Variants in OSBPL2 observed in about 807,000 individuals in gnomAD.
OSBPL2 encodes the protein oxysterol binding protein like 2.
Under a neutral mutation model 58.4 loss-of-function variants are expected in OSBPL2, and 18 were observed. That is an observed-to-expected ratio of 0.31 (90% confidence interval 0.21 to 0.46). The LOEUF is 0.46. Ranked by LOEUF, OSBPL2 falls within the 20% of genes least tolerant of loss-of-function variation. OSBPL2 has a pLI of 1.00. For missense variants in OSBPL2, 461 were observed against 616.5 expected, an observed-to-expected ratio of 0.75 and a Z score of 2.67; for synonymous variants, 221 against 234.1, an observed-to-expected ratio of 0.94 and a Z score of 0.51.
At chr20:62,267,100 C>T (rs528129893) in intron 4 of OSBPL2, among the ~76,000 whole-genome samples, 1 of 152,332 alleles carries the variant, frequency 6.6e-6, no homozygotes, top group East Asian at 1.9e-4. Context: ...AAAGAATTAG[C>T]CGGGCATGGT....
At chr20:62,239,843 A>G (rs149963708) in intron 1 of OSBPL2, among the ~76,000 whole-genome samples, 9 of 152,040 alleles carry the variant, frequency 5.9e-5, no homozygotes, top group Non-Finnish European at 8.8e-5. Context: ...AGAGAAGCAA[A>G]CGAGATCATT....
intron 1 of OSBPL2, among the ~76,000 whole-genome samples, chr20:62,253,452 T>C (rs1980705029): frequency 6.6e-6 from 1 of 152,232 alleles, no homozygotes; most frequent in South Asian, 2.1e-4. Context: ...GATTGTCTCC[T>C]CTTTCTTGTG....
chr20:62,245,708 C>T (rs1356252293), intron 1 of OSBPL2, among the ~76,000 whole-genome samples: 3 of 152,218 alleles, frequency 2.0e-5, no homozygotes, highest in African/African-American at 4.8e-5. Context: ...AAGGCCTGAG[C>T]GGCCAGTCGT....
chr20:62,288,573 G>A lies in OSBPL2; in HGVS notation c.1126-634G>A, dbSNP rs992341950. ...GGTGCAGAGGCCGGAGGCTGTGGGTGCAGAGGCTGGGAGGCTGTGGGTGCA... is the reference window on the plus strand; with the variant it reads ...GGTGCAGAGGCCGGAGGCTGTGGGTACAGAGGCTGGGAGGCTGTGGGTGCA... On this transcript the variant is annotated intron_variant, in intron 11 of 13. Coordinates refer to ENST00000313733, the MANE Select transcript of OSBPL2 (RefSeq NM_144498.4). This position sits in a 1 kb window ranked among gnomAD's most constrained non-coding sequence, Gnocchi z 4.8. Among the ~76,000 whole-genome samples the A allele has an allele frequency of 2.0e-5, 3 of 151,330 alleles. No homozygotes were observed. The highest frequency in any genetic ancestry group is 2.0e-4 in the East Asian group (1 of 5,124).
chr20:62,245,070 G>C (rs540216800), intron 1 of OSBPL2, among the ~76,000 whole-genome samples: 8 of 152,204 alleles, frequency 5.3e-5, no homozygotes, highest in African/African-American at 1.9e-4. Context: ...GTCCACGCTG[G>C]TGTCTTAGGA....
chr20:62,265,007 G>A (rs1203980268), intron 4 of OSBPL2, among the ~76,000 whole-genome samples: 1 of 152,214 alleles, frequency 6.6e-6, no homozygotes, highest in Non-Finnish European at 1.5e-5. Context: ...TAGTGGGACT[G>A]TTAACCTGAT....
At chr20:62,281,362 A>G in intron 8 of OSBPL2, 197 bp downstream of exon 8, 1 of 564,702 alleles carries the variant, frequency 1.8e-6, no homozygotes, top group Non-Finnish European at 3.2e-6. Flanking sequence ...CTCGTTCAAG[A>G]CCTCGTTTTT....
At position 62,295,269 on chromosome 20, in the gene OSBPL2, AT is replaced by A. The variant is rs1215260737; in HGVS notation, c.*1383del. 1.3e-5 allele frequency: 2 copies of A among 151,528 alleles called. No individual in the cohort carries two copies. Among genetic ancestry groups the A allele is most frequent in the Non-Finnish European group, 3.0e-5 (2 of 67,680 alleles). The allele number at this position is 151,528 out of a possible 1,614,324, so 9.4% of individuals were successfully genotyped here. A position where few individuals can be genotyped will look rare whatever the true frequency, so the allele number is the denominator to read the frequency against. ...GCCTGGCCGTGACTGATTTTTTTTC[AT>A]GTAGAATTGTCAACACGAGAGATCA... On this transcript the variant is annotated 3_prime_UTR_variant, in exon 14 of 14. Transcript: ENST00000313733. The surrounding 1 kb of genome is among the most constrained non-coding windows in gnomAD (Gnocchi z 4.8).
intron 6 of OSBPL2, among the ~76,000 whole-genome samples, chr20:62,275,539 CT>C (rs1197555679): frequency 2.0e-5 from 3 of 152,158 alleles, no homozygotes; most frequent in African/African-American, 7.2e-5. Context: ...CCTCGACCTC[CT>C]GGGCTCAAGT....
chr20:62,263,908 T>A (rs1202805038), intron 4 of OSBPL2, among the ~76,000 whole-genome samples: 2 of 151,714 alleles, frequency 1.3e-5, no homozygotes, highest in East Asian at 1.9e-4. Context: ...TACTAAAAAT[T>A]CCAAAAATTA....
At chr20:62,260,239 C>A in intron 3 of OSBPL2, 114 bp downstream of exon 3, 2 of 977,934 alleles carry the variant, frequency 2.0e-6, no homozygotes, top group Non-Finnish European at 1.5e-6. Flanking sequence ...ACCCCCACAG[C>A]TGTCTGGCCT....
intron 6 of OSBPL2, chr20:62,278,786 G>GTGTT (rs1237744760): frequency 4.5e-6 from 1 of 221,512 alleles, no homozygotes; most frequent in Non-Finnish European, 8.8e-6. Context: ...GTTTGTGTGT[G>GTGTT]TGTTGCCAAC....
At chr20:62,253,029 G>A (rs1168590935) in intron 1 of OSBPL2, among the ~76,000 whole-genome samples, 1 of 152,270 alleles carries the variant, frequency 6.6e-6, no homozygotes, top group African/African-American at 2.4e-5. Flanking sequence ...AGTAGATAAA[G>A]CTAGAAACTG....
intron 2 of OSBPL2, among the ~76,000 whole-genome samples, chr20:62,256,759 A>G (rs1435715085): frequency 2.6e-5 from 4 of 152,242 alleles, no homozygotes; most frequent in Non-Finnish European, 5.9e-5. Flanking sequence ...ACCGTGTTGC[A>G]GGGCTCATGG....
intron 3 of OSBPL2, 77 bp downstream of exon 3, chr20:62,260,202 C>G: frequency 2.1e-6 from 3 of 1,406,388 alleles, no homozygotes; most frequent in South Asian, 1.3e-5. Flanking sequence ...TACCCCTCAG[C>G]CCTCACGAGC....
chr20:62,293,027 C>A (rs969596690), intron 13 of OSBPL2, among the ~76,000 whole-genome samples: 11 of 151,946 alleles, frequency 7.2e-5, no homozygotes, highest in Non-Finnish European at 1.6e-4. Context: ...TGCCACCACG[C>A]CTGGCTAATT....
intron 6 of OSBPL2, among the ~76,000 whole-genome samples, chr20:62,278,084 G>C (rs970279993): frequency 9.2e-5 from 14 of 152,232 alleles, no homozygotes; most frequent in South Asian, 4.1e-4. Flanking sequence ...GCCAGACACT[G>C]CTGTGGCTCA....
intron 1 of OSBPL2, among the ~76,000 whole-genome samples, chr20:62,240,571 T>C (rs1979663544): frequency 6.6e-6 from 1 of 152,160 alleles, no homozygotes; most frequent in Non-Finnish European, 1.5e-5. Flanking sequence ...CAGCAGTAAA[T>C]TATGAAATAT....
chr20:62,267,458 G>A (rs1981754814), intron 4 of OSBPL2, among the ~76,000 whole-genome samples: 1 of 152,190 alleles, frequency 6.6e-6, no homozygotes, highest in Non-Finnish European at 1.5e-5. Context: ...GGCCTATCCT[G>A]TGCGTTTACT....
Sources: allele counts gnomAD v4.1 joint callset (sites outside exome capture counted in the v4.1 genomes callset), GRCh38; gene constraint gnomAD v4.1.1; non-coding constraint Gnocchi (gnomAD v3.1); transcripts MANE v1.5; gene names NCBI Gene and HGNC (gene_info 2026-07-23, HGNC 2026-07-21).